IFT88: variants seen among roughly 807,000 people sequenced by gnomAD.
IFT88 encodes intraflagellar transport protein 88 homolog.
A neutral mutation model predicts 119.5 loss-of-function variants in IFT88; 74 were observed. That is an observed-to-expected ratio of 0.62 (90% CI 0.51 to 0.75). The LOEUF (loss-of-function observed/expected upper bound fraction) is 0.75. Ranked by LOEUF, IFT88 falls within the 30% of genes least tolerant of loss-of-function variation. The pLI is 0.00. For missense variants in IFT88, 961 were observed against 977.7 expected, an observed-to-expected ratio of 0.98 and a Z score of 0.23; for synonymous variants, 279 against 316.7, an observed-to-expected ratio of 0.88 and a Z score of 1.26.
chr13:20,631,036 G>T lies in IFT88; in HGVS notation c.1320G>T (p.Val440=). The T allele has an allele frequency of 1.9e-6, 3 of 1,596,720 alleles. No individual in the cohort carries two copies. Among genetic ancestry groups the T allele is most frequent in the Non-Finnish European group, 2.6e-6 (3 of 1,164,256 alleles). The change falls in exon 16 of 26, where the codon GTG becomes GTT. Residue 440 remains valine, a synonymous_variant. Coordinates refer to ENST00000351808, the MANE Select transcript of IFT88 (RefSeq NM_006531.5). ...TCTAGGCTGTAGAGATCTTAAAAGT[G>T]TTGGAAAAAAAGGACAGTAGAGTGA... ...DYNQAVEILK[V]LEKKDSRVKS...
chr13:20,597,713 C>T (rs575239117), intron 9 of IFT88, among the ~76,000 whole-genome samples: 1 of 150,562 alleles, frequency 6.6e-6, no homozygotes, highest in African/African-American at 2.4e-5. Flanking sequence ...CACCACACTC[C>T]AGAGCCTGGG....
Position 20,631,084 on chromosome 13 carries a change from C to G in IFT88, c.1368C>G (p.Leu456=). Residue 456 remains leucine, a synonymous_variant, in exon 16 of 26, where the codon CTC becomes CTG. Coordinates refer to ENST00000351808, the MANE Select transcript of IFT88 (RefSeq NM_006531.5). ...TGAAAAGTGCAGCTGCAACCAATCT[C>G]TCAGCCCTGTATTATATGGTAAGTT... The part of the protein sequence containing the change: ...SRVKSAAATN[L]SALYYMGKDF... The G allele has an allele frequency of 1.2e-6, 2 of 1,601,302 alleles. No homozygotes were observed. The highest frequency in any genetic ancestry group is 1.1e-5 in the South Asian group (1 of 90,774).
intron 20 of IFT88, among the ~76,000 whole-genome samples, chr13:20,653,130 C>T (rs143646630): frequency 2.7e-3 from 417 of 152,134 alleles, no homozygotes; most frequent in Middle Eastern, 6.8e-3. Context: ...AGTGGGTGGC[C>T]GTGTAGGCAA....
intron 22 of IFT88, among the ~76,000 whole-genome samples, chr13:20,658,037 A>T (rs2140678827): frequency 6.6e-6 from 1 of 152,278 alleles, no homozygotes; most frequent in African/African-American, 2.4e-5. Context: ...TCATTAACTT[A>T]ACAGCAGTAG....
intron 13 of IFT88, chr13:20,607,749 TG>T (rs1400876436): frequency 1.1e-5 from 8 of 752,100 alleles, no homozygotes; most frequent in Non-Finnish European, 2.0e-5. Flanking sequence ...TCTGTAACTT[TG>T]CCTAGAATGT....
intron 24 of IFT88, among the ~76,000 whole-genome samples, chr13:20,674,689 A>G (rs1174219819): frequency 2.0e-5 from 3 of 147,260 alleles, no homozygotes; most frequent in African/African-American, 7.5e-5. Flanking sequence ...TTTTATTTAA[A>G]AAAACTGAAG....
At chr13:20,605,562 T>G (rs1219705759) in intron 13 of IFT88, among the ~76,000 whole-genome samples, 7 of 152,084 alleles carry the variant, frequency 4.6e-5, no homozygotes, top group Non-Finnish European at 7.3e-5. Flanking sequence ...ACAACTTGTT[T>G]CTACTTACAA....
At chr13:20,607,915 G>A (rs1237591099) in intron 13 of IFT88, 1 of 676,336 alleles carries the variant, frequency 1.5e-6, no homozygotes, top group Non-Finnish European at 2.8e-6. Flanking sequence ...CATCCTCGGG[G>A]TCTTCCTCTA....
intron 3 of IFT88, among the ~76,000 whole-genome samples, chr13:20,588,392 A>G (rs2040094423): frequency 6.6e-6 from 1 of 151,742 alleles, no homozygotes; most frequent in Non-Finnish European, 1.5e-5. Context: ...CCCACTTCTG[A>G]GTTTCTTTCT....
chr13:20,653,535 A>T (rs2052171786), intron 20 of IFT88, among the ~76,000 whole-genome samples: 1 of 152,194 alleles, frequency 6.6e-6, no homozygotes. Context: ...ATTTGCAAGC[A>T]AGTGTAAGTA....
intron 24 of IFT88, among the ~76,000 whole-genome samples, 190 bp from the exon 25 acceptor site, chr13:20,690,515 C>G (rs936900130): frequency 6.6e-6 from 1 of 152,142 alleles, no homozygotes; most frequent in African/African-American, 2.4e-5. Flanking sequence ...GATGTTTTAT[C>G]TATATTATAG....
chr13:20,640,874 G>A (rs182885701), intron 17 of IFT88, among the ~76,000 whole-genome samples: 8 of 152,248 alleles, frequency 5.3e-5, no homozygotes, highest in Admixed American at 2.6e-4. Context: ...GGCCGGGTGT[G>A]GTGGCTCATA....
At chr13:20,652,156 A>G (rs996670428) in intron 20 of IFT88, among the ~76,000 whole-genome samples, 35 of 152,226 alleles carry the variant, frequency 2.3e-4, no homozygotes, top group African/African-American at 8.2e-4. Flanking sequence ...TGGTTGCACA[A>G]CATTGTGAAT....
At chr13:20,613,230 C>G (rs1410940784) in intron 13 of IFT88, among the ~76,000 whole-genome samples, 4 of 151,656 alleles carry the variant, frequency 2.6e-5, no homozygotes, top group Non-Finnish European at 5.9e-5. Context: ...AAGTAATGTC[C>G]AACTCAATAA....
chr13:20,689,866 T>A (rs1388466790), intron 24 of IFT88, among the ~76,000 whole-genome samples: 1 of 152,082 alleles, frequency 6.6e-6, no homozygotes, highest in Non-Finnish European at 1.5e-5. Context: ...ATGGAAAAAA[T>A]TAACTTTTGT....
rs141683155 is a variant in IFT88 at position 20,583,002 on chromosome 13, C to T, written c.136C>T (p.His46Tyr). The T allele has an allele frequency of 8.7e-6, 14 of 1,610,266 alleles. No individual in the cohort carries two copies. In the African/African-American group the frequency reaches 1.5e-4, roughly 17 times the overall value. Reference sequence around the variant, plus strand: ...TTTTCAGCAAGCTGTGAGGACTAGTCATGGCAGAAGACCTCCAGTAAGTGA... The same window carrying T: ...TTTTCAGCAAGCTGTGAGGACTAGTTATGGCAGAAGACCTCCAGTAAGTGA... Reference protein sequence around the residue: ...AAFQQAVRTSHGRRPPITAKI... With the variant: ...AAFQQAVRTSYGRRPPITAKI... Residue 46 changes from histidine (H) to tyrosine (Y), a missense_variant, in exon 3 of 26, where the codon CAT (histidine) becomes TAT (tyrosine). By Grantham distance (83) the His-to-Tyr change is moderately conservative (BLOSUM62 2). Transcript: ENST00000351808.
chr13:20,656,148 A>C (rs547612111), intron 21 of IFT88, among the ~76,000 whole-genome samples: 1 of 119,054 alleles, frequency 8.4e-6, no homozygotes, highest in East Asian at 2.7e-4. Context: ...GAAGAAGCTA[A>C]ATTTCAGCTA....
chr13:20,616,047 TTAA>T (rs766719777), intron 14 of IFT88, among the ~76,000 whole-genome samples, 168 bp downstream of exon 14: 16 of 152,204 alleles, frequency 1.1e-4, no homozygotes, highest in Admixed American at 4.6e-4. Flanking sequence ...ATAAAAGTTA[TTAA>T]TAAGATACTT....
intron 15 of IFT88, among the ~76,000 whole-genome samples, chr13:20,630,756 C>G (rs1309145366): frequency 6.6e-6 from 1 of 152,192 alleles, no homozygotes; most frequent in African/African-American, 2.4e-5. Flanking sequence ...CTCTCTTCAG[C>G]TGTATCTAAT....
Sources: gnomAD v4.1 joint callset for allele counts (sites outside exome capture counted in the v4.1 genomes callset) on GRCh38, gnomAD v4.1.1 for gene constraint, MANE v1.5 for transcripts, NCBI Gene and HGNC (gene_info 2026-07-23, HGNC 2026-07-21) for gene names.